Variants in MRPS28 observed in about 807,000 individuals in gnomAD.
The protein encoded by MRPS28 is small ribosomal subunit protein bS1m.
MRPS28 carries 7 observed loss-of-function variants against 10.8 expected under a neutral mutation model. The ratio of observed to expected loss-of-function variants is 0.65; its 90% CI spans 0.37 to 1.22. MRPS28 has a LOEUF of 1.22. Among genes scored for constraint, MRPS28 ranks in the 50% most tolerant of loss-of-function variants. The probability of loss-of-function intolerance (pLI) is 0.02; values close to 1 mark genes in which losing one functional copy is unlikely to be tolerated. For missense variants in MRPS28, 265 were observed against 232.9 expected, an observed-to-expected ratio of 1.14 and a Z score of -0.90; for synonymous variants, 121 against 93.3, an observed-to-expected ratio of 1.30 and a Z score of -1.71.
chr8:80,022,879 A>C (rs942581117), intron 1 of MRPS28, among the ~76,000 whole-genome samples: 4 of 152,264 alleles, frequency 2.6e-5, no homozygotes, highest in East Asian at 1.9e-4. Context: ...ATAGTGAAAA[A>C]CCTAAGGTTG....
intron 2 of MRPS28, among the ~76,000 whole-genome samples, chr8:79,949,346 A>G (rs535420841): frequency 4.0e-5 from 6 of 150,504 alleles, no homozygotes; most frequent in South Asian, 2.2e-4. Context: ...CCCAGGAGGC[A>G]GAGGTTGCAG....
At position 79,939,952 on chromosome 8, in the gene MRPS28, C is replaced by G. The variant is rs1458494764; in HGVS notation, c.396-20804G>C. On this transcript the variant is annotated intron_variant, in intron 2 of 2. Transcript: ENST00000276585. ...GCCACTGCACTCCAGCCTGGACAAG[C>G]GACAGAGCAAGACTCCGTCTCAAAT... Among the ~76,000 whole-genome samples the G allele has an allele frequency of 2.1e-5, 3 of 145,882 alleles. No homozygotes were observed. In the East Asian group the frequency reaches 6.0e-4, roughly 29 times the overall value.
intron 2 of MRPS28, among the ~76,000 whole-genome samples, chr8:79,942,584 T>G (rs1806797878): frequency 6.6e-6 from 1 of 152,164 alleles, no homozygotes; most frequent in Non-Finnish European, 1.5e-5. Flanking sequence ...AGAAGTCCAA[T>G]TCTAGAAGTC....
intron 1 of MRPS28, among the ~76,000 whole-genome samples, chr8:80,005,747 G>C (rs1240825449): frequency 6.6e-6 from 1 of 152,124 alleles, no homozygotes; most frequent in South Asian, 2.1e-4. Context: ...CCCATCTCAC[G>C]TGCAGAGACA....
Position 79,962,312 on chromosome 8 carries a change from T to G in MRPS28, c.395+40687A>C, listed in dbSNP as rs118049160. ...CCAGTGCAACCACCCAAGCTTACTCTGAGAAGCACAAGGCAAGGGGGTATG... is the reference window on the plus strand; with the variant it reads ...CCAGTGCAACCACCCAAGCTTACTCGGAGAAGCACAAGGCAAGGGGGTATG... On this transcript the variant is annotated intron_variant, in intron 2 of 2. Transcript: ENST00000276585. Among the ~76,000 whole-genome samples, 1,512 of 152,208 alleles carry G rather than the reference T, an allele frequency of 9.9e-3. 12 individuals carry two copies. Among genetic ancestry groups the G allele is most frequent in the African/African-American group, 0.014 (596 of 41,546 alleles).
At chr8:79,980,862 GA>G (rs1807934706) in intron 2 of MRPS28, among the ~76,000 whole-genome samples, 1 of 152,136 alleles carries the variant, frequency 6.6e-6, no homozygotes, top group Non-Finnish European at 1.5e-5. Flanking sequence ...AAAACATTAG[GA>G]AGATGCTGCT....
intron 2 of MRPS28, among the ~76,000 whole-genome samples, chr8:79,987,232 G>C (rs578052412): frequency 2.0e-5 from 3 of 152,048 alleles, no homozygotes; most frequent in Non-Finnish European, 4.4e-5. Context: ...TATGTAGAAA[G>C]CTGAAACTGG....
chr8:79,935,971 C>T (rs1189613017), intron 2 of MRPS28, among the ~76,000 whole-genome samples: 2 of 151,674 alleles, frequency 1.3e-5, no homozygotes, highest in Non-Finnish European at 2.9e-5. Context: ...AAAAAAAATC[C>T]TCTAGTGCAC....
rs576298612 is a variant in MRPS28, at chr8:79,923,517, C to T, written c.396-4369G>A. 6.6e-5 allele frequency among the ~76,000 whole-genome samples: 10 copies of T among 152,234 alleles called. No individual in the cohort carries two copies. In the South Asian group the frequency reaches 1.9e-3, roughly 28 times the overall value. On this transcript the variant is annotated intron_variant, in intron 2 of 2. Transcript: ENST00000276585. ...TATCATTAAAAACAATATCTACTGC[C>T]TCATGCAATGTTATTTTTTACATTT...
chr8:79,976,864 A>C (rs1215266314), intron 2 of MRPS28, among the ~76,000 whole-genome samples: 2 of 152,238 alleles, frequency 1.3e-5, no homozygotes, highest in Non-Finnish European at 2.9e-5. Flanking sequence ...CTTAATGCTC[A>C]ATCTGTTTAC....
chr8:79,972,691 A>G (rs1807666478), intron 2 of MRPS28, among the ~76,000 whole-genome samples: 1 of 152,230 alleles, frequency 6.6e-6, no homozygotes, highest in African/African-American at 2.4e-5. Context: ...AAAAAAACCC[A>G]AATATTGACA....
chr8:79,964,152 G>A (rs1010335091), intron 2 of MRPS28, among the ~76,000 whole-genome samples: 9 of 152,116 alleles, frequency 5.9e-5, no homozygotes, highest in African/African-American at 2.2e-4. Flanking sequence ...ACTCAACAGA[G>A]ATTGCTGAAG....
intron 2 of MRPS28, among the ~76,000 whole-genome samples, chr8:79,997,254 A>G (rs966718678): frequency 6.6e-5 from 10 of 152,220 alleles, no homozygotes; most frequent in African/African-American, 4.8e-5. Context: ...AGAAAGGTTC[A>G]TGGTAAATTA....
chr8:79,932,187 CT>C lies in MRPS28; in HGVS notation c.396-13040del, dbSNP rs528401071. Among the ~76,000 whole-genome samples the C allele has an allele frequency of 8.8e-4, 134 of 152,274 alleles. 7 individuals carry two copies. The South Asian group carries it at 0.027, about 31-fold the overall frequency. The stretch of plus-strand genomic sequence containing the variant: ...AGAAGAAAGAAAGGGTTCCAGTACT[CT>C]TAGAGCTTACACTCTGCTAGGAAGA... On this transcript the variant is annotated intron_variant, in intron 2 of 2. Transcript: ENST00000276585.
intron 1 of MRPS28, among the ~76,000 whole-genome samples, chr8:80,015,198 T>G (rs1017807282): frequency 1.3e-5 from 2 of 152,216 alleles, no homozygotes; most frequent in Admixed American, 1.3e-4. Flanking sequence ...CCCCTTGTAC[T>G]TCAGACGGCA....
chr8:79,960,355 C>T (rs1422560178), intron 2 of MRPS28, among the ~76,000 whole-genome samples: 1 of 152,130 alleles, frequency 6.6e-6, no homozygotes, highest in East Asian at 1.9e-4. Context: ...TCTACTAATC[C>T]TGGCTCTGTG....
At chr8:79,944,579 C>G (rs1387698591) in intron 2 of MRPS28, among the ~76,000 whole-genome samples, 2 of 151,986 alleles carry the variant, frequency 1.3e-5, no homozygotes, top group Non-Finnish European at 2.9e-5. Context: ...CATTACCTAC[C>G]AAAAAGAACC....
chr8:79,945,997 C>T (rs1806905098), intron 2 of MRPS28, among the ~76,000 whole-genome samples: 1 of 152,024 alleles, frequency 6.6e-6, no homozygotes, highest in Non-Finnish European at 1.5e-5. Flanking sequence ...TCCTAAAAAC[C>T]ACTAATTTGT....
At chr8:80,013,647 A>G (rs1178185768) in intron 1 of MRPS28, among the ~76,000 whole-genome samples, 1 of 151,278 alleles carries the variant, frequency 6.6e-6, no homozygotes, top group East Asian at 1.9e-4. Flanking sequence ...AAAAAAAAAA[A>G]AAAAAAGAAA....
Sources: gnomAD v4.1 joint callset for allele counts (sites outside exome capture counted in the v4.1 genomes callset) on GRCh38, gnomAD v4.1.1 for gene constraint, MANE v1.5 for transcripts, NCBI Gene and HGNC (gene_info 2026-07-23, HGNC 2026-07-21) for gene names.